FHIT: variants seen among roughly 807,000 people sequenced by gnomAD.
FHIT encodes fragile histidine triad diadenosine triphosphatase, also known as bis(5'-adenosyl)-triphosphatase.
In FHIT, 19 loss-of-function variants were observed where a neutral mutation model predicts 17.9. The ratio of observed to expected loss-of-function variants is 1.06; its 90% CI spans 0.74 to 1.56. The LOEUF (loss-of-function observed/expected upper bound fraction) is 1.56, where lower values mean the gene tolerates loss of function less well. Among genes scored for constraint, FHIT ranks in the 40% most tolerant of loss-of-function variants. The probability of loss-of-function intolerance (pLI) is 0.00; values close to 1 mark genes in which losing one functional copy is unlikely to be tolerated. For synonymous variants in FHIT, 81 were observed against 69.7 expected (o/e 1.16, Z -0.81); for missense variants, 248 against 189.2 (o/e 1.31, Z -1.82).
intron 4 of FHIT, among the ~76,000 whole-genome samples, chr3:60,677,962 C>T (rs978300727): frequency 1.9e-4 from 29 of 152,104 alleles, no homozygotes; most frequent in African/African-American, 6.8e-4. Flanking sequence ...TACACTTCTT[C>T]ATAGTAGTCT....
chr3:59,787,820 T>C (rs1245511986), intron 8 of FHIT, among the ~76,000 whole-genome samples: 1 of 152,220 alleles, frequency 6.6e-6, no homozygotes, highest in Non-Finnish European at 1.5e-5. Flanking sequence ...TCGGTTCAGT[T>C]GGGATTCAAA....
intron 3 of FHIT, among the ~76,000 whole-genome samples, chr3:60,924,183 C>T (rs1020664099): frequency 6.6e-6 from 1 of 152,188 alleles, no homozygotes; most frequent in Non-Finnish European, 1.5e-5. Flanking sequence ...ACTTAAATGT[C>T]CCTGTCTGAC....
intron 3 of FHIT, among the ~76,000 whole-genome samples, chr3:61,035,322 T>A (rs982664184): frequency 9.9e-5 from 15 of 152,172 alleles, no homozygotes; most frequent in Non-Finnish European, 1.9e-4. Context: ...AATCATATAT[T>A]TTTTGCATTT....
chr3:59,973,596 T>A (rs576546984), intron 7 of FHIT, among the ~76,000 whole-genome samples: 50 of 152,258 alleles, frequency 3.3e-4, no homozygotes, highest in African/African-American at 1.2e-3. Context: ...CTTTATAGCA[T>A]AAAGATGTAA....
intron 2 of FHIT, among the ~76,000 whole-genome samples, chr3:61,141,055 A>G (rs976417564): frequency 7.9e-5 from 12 of 152,194 alleles, no homozygotes; most frequent in African/African-American, 2.7e-4. Flanking sequence ...ATTTGAGGAT[A>G]CATATGTTCA....
At chr3:60,367,939 TTA>T (rs1439315504) in intron 5 of FHIT, among the ~76,000 whole-genome samples, 1 of 152,190 alleles carries the variant, frequency 6.6e-6, no homozygotes, top group African/African-American at 2.4e-5. Context: ...TTTCAACTAT[TTA>T]GAGAAGTCCA....
intron 3 of FHIT, among the ~76,000 whole-genome samples, chr3:60,969,835 T>C (rs1709920169): frequency 6.6e-6 from 1 of 152,134 alleles, no homozygotes. Context: ...TTACAAGTGG[T>C]GTTTGAATCT....
chr3:60,258,680 T>C (rs962136252), intron 5 of FHIT, among the ~76,000 whole-genome samples: 1 of 152,094 alleles, frequency 6.6e-6, no homozygotes, highest in African/African-American at 2.4e-5. Flanking sequence ...ATTGAATGAA[T>C]TTTACGTGAC....
intron 4 of FHIT, among the ~76,000 whole-genome samples, chr3:60,540,032 C>T (rs2036134232): frequency 6.6e-6 from 1 of 151,678 alleles, no homozygotes; most frequent in South Asian, 2.1e-4. Context: ...ACATTCAGCC[C>T]CACTCCTCAA....
intron 3 of FHIT, among the ~76,000 whole-genome samples, chr3:60,994,737 A>G (rs2030526539): frequency 6.6e-6 from 1 of 152,198 alleles, no homozygotes; most frequent in African/African-American, 2.4e-5. Flanking sequence ...ACCAATAAAA[A>G]GATGGATAGA....
intron 2 of FHIT, among the ~76,000 whole-genome samples, chr3:61,126,577 C>T (rs957927819): frequency 2.6e-5 from 4 of 152,136 alleles, no homozygotes; most frequent in African/African-American, 9.7e-5. Context: ...GAACCACTCC[C>T]ATGATCCAAT....
intron 8 of FHIT, among the ~76,000 whole-genome samples, chr3:59,784,003 C>T (rs1236931094): frequency 1.3e-5 from 2 of 152,052 alleles, no homozygotes; most frequent in African/African-American, 2.4e-5. Flanking sequence ...GAGTGGGGAC[C>T]GAGTTGAAAG....
chr3:61,098,098 T>C (rs894615758), intron 2 of FHIT, among the ~76,000 whole-genome samples: 3 of 152,236 alleles, frequency 2.0e-5, no homozygotes, highest in African/African-American at 7.2e-5. Flanking sequence ...CATTTAAGTC[T>C]TTAAGCTATC....
At chr3:60,998,545 G>C (rs1327775753) in intron 3 of FHIT, among the ~76,000 whole-genome samples, 1 of 151,984 alleles carries the variant, frequency 6.6e-6, no homozygotes, top group Non-Finnish European at 1.5e-5. Flanking sequence ...CCCTAATTGA[G>C]CTAATTTGAA....
chr3:59,942,293 C>T (rs1454942640), intron 7 of FHIT, among the ~76,000 whole-genome samples: 2 of 152,144 alleles, frequency 1.3e-5, no homozygotes, highest in African/African-American at 4.8e-5. Flanking sequence ...AAAGATCACC[C>T]TTAGCCTTCA....
intron 5 of FHIT, among the ~76,000 whole-genome samples, chr3:60,211,450 A>G (rs1319754531): frequency 6.6e-6 from 1 of 152,170 alleles, no homozygotes; most frequent in Non-Finnish European, 1.5e-5. Flanking sequence ...ATTCTACATA[A>G]TTATAATGCA....
At chr3:60,594,289 C>T (rs939495) in intron 4 of FHIT, among the ~76,000 whole-genome samples, 134,513 of 152,086 alleles carry the variant, frequency 0.88, 59,560 homozygotes, top group East Asian at 0.95. Flanking sequence ...ACACATACAG[C>T]GAACACAACC....
At chr3:59,885,233 G>A (rs771060035) in intron 8 of FHIT, among the ~76,000 whole-genome samples, 1 of 152,164 alleles carries the variant, frequency 6.6e-6, no homozygotes, top group Admixed American at 6.6e-5. Context: ...ATTGGGCTCA[G>A]CCACTGGAGA....
At chr3:61,200,424 A>G (rs1185882495) in intron 2 of FHIT, among the ~76,000 whole-genome samples, 193 bp downstream of exon 2, 1 of 152,206 alleles carries the variant, frequency 6.6e-6, no homozygotes, top group African/African-American at 2.4e-5. Context: ...TACTCTCAAC[A>G]CATCATTTTA....
Sources: allele counts gnomAD v4.1 joint callset (sites outside exome capture counted in the v4.1 genomes callset), GRCh38; gene constraint gnomAD v4.1.1; transcripts MANE v1.5; gene names NCBI Gene and HGNC (gene_info 2026-07-23, HGNC 2026-07-21).